RAB6B: variants seen among roughly 807,000 people sequenced by gnomAD.
The protein encoded by RAB6B is RAB6B, member RAS oncogene family.
In RAB6B, 7 loss-of-function variants were observed where a neutral mutation model predicts 31.2. That is an observed-to-expected ratio of 0.22 (90% CI 0.13 to 0.42). The LOEUF is 0.42. Among genes scored for constraint, RAB6B ranks in the 10% least tolerant of loss-of-function variants. RAB6B has a pLI of 1.00. For synonymous variants in RAB6B, 105 were observed against 104.9 expected (o/e 1.00, Z -0.01); for missense variants, 149 against 280.6 (o/e 0.53, Z 3.35).
At chr3:133,847,191 A>C (rs1320389162) in intron 2 of RAB6B, among the ~76,000 whole-genome samples, 1 of 152,256 alleles carries the variant, frequency 6.6e-6, no homozygotes, top group Non-Finnish European at 1.5e-5. Context: ...CAATAAATCT[A>C]TGTGATGAGT....
chr3:133,855,917 T>C (rs1428551892), intron 2 of RAB6B, among the ~76,000 whole-genome samples: 1 of 152,182 alleles, frequency 6.6e-6, no homozygotes, highest in South Asian at 2.1e-4. Context: ...TGTGACTCAA[T>C]TCTGGCCAAT....
chr3:133,848,858 T>C lies in RAB6B; in HGVS notation c.130-7195A>G, dbSNP rs146090698. 2.4e-3 allele frequency among the ~76,000 whole-genome samples: 360 copies of C among 152,158 alleles called. 3 individuals are homozygous for C. The highest frequency in any genetic ancestry group is 8.0e-3 in the African/African-American group (334 of 41,502). On this transcript the variant is annotated intron_variant, in intron 2 of 7. Transcript: ENST00000285208. ...AGTTTTGGTGGTGACACTGAAACCA[T>C]TGCACAGGGTTATTTTTCTGAAATA...
rs915308109 is a variant in RAB6B at position 133,826,838 on chromosome 3, G to A, written c.*1950C>T. On this transcript the variant is annotated 3_prime_UTR_variant, in exon 8 of 8. Transcript: ENST00000285208. ...ATTTCCAAAACTTATCACAATGCAA[G>A]TTCCAACTTGAGAGCAGGAGAAACA... 3 of 152,688 alleles carry A rather than the reference G, an allele frequency of 2.0e-5. No homozygotes were observed. The highest frequency in any genetic ancestry group is 7.2e-5 in the African/African-American group (3 of 41,468). 9.5% of individuals were successfully genotyped at this position (152,688 alleles called of 1,614,324 possible).
At chr3:133,886,061 C>T (rs751207739) in intron 1 of RAB6B, among the ~76,000 whole-genome samples, 8 of 152,110 alleles carry the variant, frequency 5.3e-5, no homozygotes, top group Non-Finnish European at 1.2e-4. Context: ...CCTACTGACT[C>T]CCCCAGGCTC....
At chr3:133,840,884 C>T (rs920680384) in intron 4 of RAB6B, among the ~76,000 whole-genome samples, 3 of 152,166 alleles carry the variant, frequency 2.0e-5, no homozygotes, top group African/African-American at 7.2e-5. Context: ...CGGGGTTGGC[C>T]TAGGGACCAG....
At chr3:133,836,129 G>A (rs1935730955) in intron 6 of RAB6B, among the ~76,000 whole-genome samples, 1 of 152,212 alleles carries the variant, frequency 6.6e-6, no homozygotes, top group African/African-American at 2.4e-5. Context: ...CACCCGGGCT[G>A]GGTGACAGGG....
chr3:133,895,099 C>G (rs967831732), intron 1 of RAB6B, among the ~76,000 whole-genome samples: 9 of 152,194 alleles, frequency 5.9e-5, no homozygotes, highest in Non-Finnish European at 1.3e-4. Context: ...CCCTGGCCAG[C>G]GCCGCGGAGC....
At chr3:133,879,792 A>G (rs1223672951) in intron 1 of RAB6B, among the ~76,000 whole-genome samples, 1 of 152,152 alleles carries the variant, frequency 6.6e-6, no homozygotes, top group Non-Finnish European at 1.5e-5. Context: ...GCAGCTTCAA[A>G]AAGGAGCAGG....
At chr3:133,857,543 C>T (rs1321757282) in intron 2 of RAB6B, among the ~76,000 whole-genome samples, 1 of 152,094 alleles carries the variant, frequency 6.6e-6, no homozygotes, top group African/African-American at 2.4e-5. Context: ...CCATCTCCCC[C>T]AGGTGCTGGG....
rs1057071238 is a variant in RAB6B, at chr3:133,828,060, C to A, written c.*728G>T. The A allele has an allele frequency of 2.9e-6, 2 of 695,026 alleles. No homozygotes were observed. Among genetic ancestry groups the A allele is most frequent in the Admixed American group, 2.0e-5 (1 of 49,724 alleles). 43.1% of individuals were successfully genotyped at this position (695,026 alleles called of 1,614,324 possible). ...AACACAAGGTTGCCTGTACCCTCAA[C>A]CCCCTTCAAGGCTTTTCAGGGAAAG... On this transcript the variant is annotated 3_prime_UTR_variant, in exon 8 of 8. Coordinates refer to ENST00000285208, the MANE Select transcript of RAB6B (RefSeq NM_016577.4).
intron 7 of RAB6B, among the ~76,000 whole-genome samples, chr3:133,833,772 G>T (rs896692112): frequency 6.6e-6 from 1 of 152,144 alleles, no homozygotes; most frequent in African/African-American, 2.4e-5. Flanking sequence ...GCCAGCCAGG[G>T]ATCTGCATGC....
rs66495634 is a variant in RAB6B, at chr3:133,875,271, CGTGT to C, written c.71-10633_71-10630del. ...ACATATTCATTACTTCACAGTTACA[CGTGT>C]GTGTGTGTGTGCATGTGTTAAGAAT... On this transcript the variant is annotated intron_variant, in intron 1 of 7. Coordinates refer to ENST00000285208, the MANE Select transcript of RAB6B (RefSeq NM_016577.4). 1.4e-4 allele frequency among the ~76,000 whole-genome samples: 21 copies of C among 151,422 alleles called. No homozygotes were observed. The South Asian group carries it at 2.9e-3, about 21-fold the overall frequency.
At chr3:133,865,551 G>C (rs555437417) in intron 1 of RAB6B, among the ~76,000 whole-genome samples, 1 of 152,372 alleles carries the variant, frequency 6.6e-6, no homozygotes, top group South Asian at 2.1e-4. Context: ...ACGGATGCCT[G>C]TCTGTACTGT....
chr3:133,860,526 C>T (rs1461209192), intron 2 of RAB6B, among the ~76,000 whole-genome samples: 2 of 152,304 alleles, frequency 1.3e-5, no homozygotes, highest in Middle Eastern at 3.4e-3. Flanking sequence ...AGGCACTCTG[C>T]GGCAATTTGT....
At chr3:133,889,742 C>A (rs999422256) in intron 1 of RAB6B, among the ~76,000 whole-genome samples, 4 of 152,012 alleles carry the variant, frequency 2.6e-5, no homozygotes, top group Non-Finnish European at 5.9e-5. Flanking sequence ...CCACGCCCAG[C>A]CTTATTTTGT....
rs547362150 is a variant in RAB6B at position 133,846,829 on chromosome 3, C to T, written c.130-5166G>A. Among the ~76,000 whole-genome samples, 15 of 152,328 alleles carry T rather than the reference C, an allele frequency of 9.8e-5. No homozygotes were observed. In the South Asian group the frequency reaches 2.9e-3, roughly 29 times the overall value. On this transcript the variant is annotated intron_variant, in intron 2 of 7. Coordinates refer to ENST00000285208, the MANE Select transcript of RAB6B (RefSeq NM_016577.4). ...ATAAAACAAGACACACACACAAAAA[C>T]CCTGTCAGCCTAGAATTCTATAGCT...
At chr3:133,851,042 C>A (rs990570645) in intron 2 of RAB6B, among the ~76,000 whole-genome samples, 3 of 144,806 alleles carry the variant, frequency 2.1e-5, no homozygotes, top group Admixed American at 6.8e-5. Flanking sequence ...ACCGTGGAAA[C>A]AGAATTCTAA....
chr3:133,841,494 C>G, intron 3 of RAB6B, 104 bp from the exon 4 acceptor site: 2 of 1,530,320 alleles, frequency 1.3e-6, no homozygotes, highest in Non-Finnish European at 1.8e-6. Context: ...GCTGGCATCA[C>G]CAGCTCCAGC....
At chr3:133,844,679 T>C (rs572935975) in intron 2 of RAB6B, among the ~76,000 whole-genome samples, 27 of 152,220 alleles carry the variant, frequency 1.8e-4, no homozygotes, top group Non-Finnish European at 3.4e-4. Flanking sequence ...GGCTCATGCC[T>C]GTAATCCCAG....
Sources: allele counts gnomAD v4.1 joint callset (sites outside exome capture counted in the v4.1 genomes callset), GRCh38; gene constraint gnomAD v4.1.1; transcripts MANE v1.5; gene names NCBI Gene and HGNC (gene_info 2026-07-23, HGNC 2026-07-21).